Variants in KIF9 observed in about 807,000 individuals in gnomAD.
KIF9 encodes the protein kinesin-like protein KIF9.
In KIF9, 68 loss-of-function variants were observed where a neutral mutation model predicts 94.8. The ratio of observed to expected loss-of-function variants is 0.72; its 90% confidence interval spans 0.59 to 0.88. The LOEUF is 0.88. Among genes scored for constraint, KIF9 ranks in the 40% least tolerant of loss-of-function variants. The pLI, the probability that KIF9 is intolerant of heterozygous loss-of-function variation, is 0.00. For missense variants in KIF9, 882 were observed against 982.5 expected (o/e 0.90, Z 1.37); for synonymous variants, 343 against 362.1 (o/e 0.95, Z 0.60).
chr3:47,258,756 T>C (rs983082781), intron 9 of KIF9, among the ~76,000 whole-genome samples: 1 of 152,336 alleles, frequency 6.6e-6, no homozygotes, highest in Non-Finnish European at 1.5e-5. Flanking sequence ...CCAAAGCAGA[T>C]GCTGCCATGC....
intron 7 of KIF9, 106 bp downstream of exon 7, chr3:47,266,870 C>T: frequency 2.3e-6 from 2 of 884,986 alleles, no homozygotes; most frequent in South Asian, 2.8e-5. Context: ...TAGCTCAGGA[C>T]TGTGTTCACA....
chr3:47,245,407 G>C lies in KIF9; in HGVS notation c.1380+14C>G. 6.2e-7 allele frequency: 1 copy of C among 1,603,606 alleles called. No homozygotes were observed. Among genetic ancestry groups the C allele is most frequent in the Non-Finnish European group, 8.5e-7 (1 of 1,170,416 alleles). On this transcript the variant is annotated intron_variant, in intron 14 of 20. Coordinates refer to ENST00000684063, the MANE Select transcript of KIF9 (RefSeq NM_182902.4). ...CTGAGGTGAGTGCTGTCGGCAAGTA[G>C]CAACTATGCTTACCTTCTGGATAGC... is the stretch of plus-strand genomic sequence containing the variant.
intron 12 of KIF9, among the ~76,000 whole-genome samples, chr3:47,247,117 T>C (rs1699976289): frequency 6.6e-6 from 1 of 152,074 alleles, no homozygotes; most frequent in Admixed American, 6.5e-5. Flanking sequence ...GTACACGAGG[T>C]TGAGTATTTT....
chr3:47,273,035 C>T (rs932617003), intron 4 of KIF9, among the ~76,000 whole-genome samples: 23 of 152,306 alleles, frequency 1.5e-4, no homozygotes, highest in African/African-American at 4.6e-4. Context: ...CAAAGGAAGG[C>T]CCTTCTGTCT....
At chr3:47,236,730 C>T (rs1323141032) in intron 17 of KIF9, 111 bp from the exon 18 acceptor site, 9 of 930,882 alleles carry the variant, frequency 9.7e-6, no homozygotes, top group Middle Eastern at 3.2e-4. Context: ...AGACAGGAGA[C>T]CACAGGCAGG....
intron 9 of KIF9, among the ~76,000 whole-genome samples, chr3:47,258,708 T>C (rs1281041401): frequency 6.6e-6 from 1 of 152,166 alleles, no homozygotes; most frequent in Non-Finnish European, 1.5e-5. Context: ...TCTCCTGCTT[T>C]GCCTTCCACC....
At chr3:47,264,416 G>A in intron 8 of KIF9, 66 bp from the exon 9 acceptor site, 1 of 1,297,610 alleles carries the variant, frequency 7.7e-7, no homozygotes, top group Non-Finnish European at 1.1e-6. Flanking sequence ...GGAGTTGATG[G>A]GGTCTGTTAT....
At chr3:47,233,246 C>T (rs960486883) in intron 20 of KIF9, among the ~76,000 whole-genome samples, 2 of 150,122 alleles carry the variant, frequency 1.3e-5, no homozygotes, top group African/African-American at 4.9e-5. Flanking sequence ...GCCTGTAGTC[C>T]CAGTTATTCA....
At chr3:47,255,663 T>G (rs369882853) in intron 10 of KIF9, among the ~76,000 whole-genome samples, 6 of 152,200 alleles carry the variant, frequency 3.9e-5, no homozygotes, top group Non-Finnish European at 8.8e-5. Context: ...TCTGCCAGTC[T>G]AGGGTAGAGC....
intron 12 of KIF9, chr3:47,246,551 G>GT (rs11333588): frequency 2.2e-4 from 32 of 147,462 alleles, no homozygotes; most frequent in Middle Eastern, 3.4e-3. Context: ...CCTTCTAAAG[G>GT]TTTTTTTTTT....
At chr3:47,271,791 A>G (rs1420145308) in intron 4 of KIF9, among the ~76,000 whole-genome samples, 1 of 152,198 alleles carries the variant, frequency 6.6e-6, no homozygotes. Context: ...GAGGCAGTGC[A>G]GGAGCAATAC....
intron 13 of KIF9, 36 bp downstream of exon 13, chr3:47,246,161 T>C (rs1365882126): frequency 6.3e-7 from 1 of 1,591,224 alleles, no homozygotes; most frequent in East Asian, 2.2e-5. Flanking sequence ...AATGGCAGCC[T>C]GATGTAGGAA....
chr3:47,256,055 C>T (rs2107332589), intron 10 of KIF9, among the ~76,000 whole-genome samples: 1 of 152,390 alleles, frequency 6.6e-6, no homozygotes, highest in African/African-American at 2.4e-5. Flanking sequence ...GTCTCGTTCA[C>T]TCAGTGCTCA....
intron 1 of KIF9, among the ~76,000 whole-genome samples, chr3:47,281,427 A>G (rs1702342127): frequency 6.6e-6 from 1 of 152,138 alleles, no homozygotes; most frequent in African/African-American, 2.4e-5. Flanking sequence ...GGTTCACCGT[A>G]GCCTCCACAT....
chr3:47,277,893 A>T (rs1387871043), intron 1 of KIF9, among the ~76,000 whole-genome samples: 5 of 152,188 alleles, frequency 3.3e-5, no homozygotes, highest in African/African-American at 9.7e-5. Flanking sequence ...CATAATAAAT[A>T]TTCTTTCTTC....
intron 16 of KIF9, among the ~76,000 whole-genome samples, chr3:47,241,630 CATATATGTGTGTGTGTGTGTATAT>C (rs1479506111): frequency 1.3e-5 from 2 of 148,352 alleles, no homozygotes; most frequent in African/African-American, 2.5e-5. Context: ...CCCTGGATTT[CATATATGTGTGTGTGTGTGTATAT>C]ATATATGTGT....
chr3:47,267,319 T>G, intron 5 of KIF9, 56 bp from the exon 6 acceptor site: 2 of 1,263,222 alleles, frequency 1.6e-6, no homozygotes, highest in Non-Finnish European at 2.3e-6. Flanking sequence ...GACAAGGCAC[T>G]TGGGTCATTT....
intron 17 of KIF9, among the ~76,000 whole-genome samples, chr3:47,237,939 A>G (rs1699157514): frequency 6.6e-6 from 1 of 152,192 alleles, no homozygotes; most frequent in South Asian, 2.1e-4. Context: ...TGGATAAGCC[A>G]CAATCCTTTA....
chr3:47,231,155 G>A (rs560818834), intron 20 of KIF9, among the ~76,000 whole-genome samples: 7 of 152,194 alleles, frequency 4.6e-5, no homozygotes, highest in African/African-American at 1.7e-4. Flanking sequence ...AGAGTCCTGG[G>A]AATGAGAATA....
Sources: gnomAD v4.1 joint callset for allele counts (sites outside exome capture counted in the v4.1 genomes callset) on GRCh38, gnomAD v4.1.1 for gene constraint, MANE v1.5 for transcripts, NCBI Gene and HGNC (gene_info 2026-07-23, HGNC 2026-07-21) for gene names.